The following SHISA6 variants were observed in gnomAD, a reference collection of about 807,000 sequenced individuals.
SHISA6 encodes shisa family member 6.
A neutral mutation model predicts 47.9 loss-of-function variants in SHISA6; 22 were observed. That is an observed-to-expected ratio of 0.46 (90% CI 0.33 to 0.66). The LOEUF is 0.66. SHISA6 is among the 30% of genes least tolerant of loss of function. The pLI is 0.02. For missense variants in SHISA6, 680 were observed against 764.6 expected (o/e 0.89, Z 1.30); for synonymous variants, 388 against 337.8 (o/e 1.15, Z -1.63).
At chr17:11,386,150 C>A (rs1291338068) in intron 3 of SHISA6, among the ~76,000 whole-genome samples, 1 of 152,116 alleles carries the variant, frequency 6.6e-6, no homozygotes, top group East Asian at 1.9e-4. Context: ...CCAAGGAGGG[C>A]AGATCACCTG....
chr17:11,521,117 T>C (rs773526695), intron 3 of SHISA6, among the ~76,000 whole-genome samples: 15 of 152,222 alleles, frequency 9.9e-5, no homozygotes, highest in Non-Finnish European at 1.9e-4. Context: ...CTGGTCATGT[T>C]CTAGAAATTT....
intron 2 of SHISA6, among the ~76,000 whole-genome samples, chr17:11,325,332 T>A (rs1194726116): frequency 6.6e-6 from 1 of 152,172 alleles, no homozygotes; most frequent in Non-Finnish European, 1.5e-5. Flanking sequence ...TCGGATAAAC[T>A]GGGACATCTG....
intron 1 of SHISA6, among the ~76,000 whole-genome samples, chr17:11,243,038 C>T (rs1016212051): frequency 6.6e-6 from 1 of 151,976 alleles, no homozygotes; most frequent in Non-Finnish European, 1.5e-5. Context: ...AGGGAACAAA[C>T]CCTGCCCCGG....
Position 11,558,036 on chromosome 17 carries a change from G to A in SHISA6, c.1388G>A (p.Arg463Gln), listed in dbSNP as rs114484608. ...HSQDPLLSPE[R>Q]TAFPEQSLSR... Reference sequence around the variant, plus strand: ...CAGGACCCGCTGCTGTCCCCGGAGCGGACGGCCTTTCCCGAGCAGTCGCTG... The same window carrying A: ...CAGGACCCGCTGCTGTCCCCGGAGCAGACGGCCTTTCCCGAGCAGTCGCTG... The change falls in exon 6 of 6, where the codon CGG (arginine) becomes CAG (glutamine). Residue 463 changes from arginine (R) to glutamine (Q), a missense_variant. This residue lies in a region of SHISA6 where 559 missense variants were observed against 674.1 expected (regional missense o/e 0.83). Coordinates refer to ENST00000441885, the MANE Select transcript of SHISA6 (RefSeq NM_207386.4). 854 of 1,551,628 alleles carry A rather than the reference G, an allele frequency of 5.5e-4. 2 individuals carry two copies. In the African/African-American group the frequency reaches 0.01, roughly 18 times the overall value.
chr17:11,516,942 G>A (rs74629188), intron 3 of SHISA6, among the ~76,000 whole-genome samples: 8,816 of 152,248 alleles, frequency 0.058, 286 homozygotes, highest in Middle Eastern at 0.099. Context: ...AGTATTGTGC[G>A]CAGACATCAT....
At chr17:11,425,755 G>A (rs749606337) in intron 3 of SHISA6, among the ~76,000 whole-genome samples, 11 of 152,074 alleles carry the variant, frequency 7.2e-5, no homozygotes, top group Admixed American at 1.3e-4. Context: ...CTTTCTTCGC[G>A]GACATCATGT....
intron 2 of SHISA6, among the ~76,000 whole-genome samples, chr17:11,344,055 G>A (rs1195752915): frequency 6.6e-6 from 1 of 152,050 alleles, no homozygotes; most frequent in Non-Finnish European, 1.5e-5. Flanking sequence ...AGTGGTTTTG[G>A]TTTGCATTTT....
intron 3 of SHISA6, among the ~76,000 whole-genome samples, chr17:11,385,486 G>A (rs896862500): frequency 2.0e-5 from 3 of 152,174 alleles, no homozygotes; most frequent in African/African-American, 4.8e-5. Context: ...GTGGAAGTCT[G>A]TGGAAGGACC....
At chr17:11,378,729 G>C (rs560799989) in intron 2 of SHISA6, among the ~76,000 whole-genome samples, 14 of 152,142 alleles carry the variant, frequency 9.2e-5, no homozygotes, top group African/African-American at 3.4e-4. Flanking sequence ...AGCAGGCAGG[G>C]GATAGTGTCT....
intron 3 of SHISA6, among the ~76,000 whole-genome samples, chr17:11,531,833 T>G (rs1373889999): frequency 1.3e-5 from 2 of 152,220 alleles, no homozygotes; most frequent in Non-Finnish European, 2.9e-5. Context: ...AAAGATTAGA[T>G]TTTAAATGTT....
At chr17:11,479,942 G>C (rs929771911) in intron 3 of SHISA6, among the ~76,000 whole-genome samples, 1 of 151,792 alleles carries the variant, frequency 6.6e-6, no homozygotes, top group Non-Finnish European at 1.5e-5. Flanking sequence ...TATCTCTAAA[G>C]AATTTCCTTT....
At chr17:11,403,861 T>C (rs1456453363) in intron 3 of SHISA6, among the ~76,000 whole-genome samples, 1 of 152,194 alleles carries the variant, frequency 6.6e-6, no homozygotes, top group East Asian at 1.9e-4. Context: ...GTGGTGTTCC[T>C]CAGAGACCTC....
At chr17:11,435,309 C>T (rs1031457913) in intron 3 of SHISA6, among the ~76,000 whole-genome samples, 8 of 152,080 alleles carry the variant, frequency 5.3e-5, no homozygotes, top group African/African-American at 1.4e-4. Context: ...CCCTAAGTAG[C>T]CCTGAGGTCT....
At chr17:11,350,196 T>TTTTTTTTTTTTTTTTTTTC (rs1369301126) in intron 2 of SHISA6, among the ~76,000 whole-genome samples, 1 of 139,910 alleles carries the variant, frequency 7.1e-6, no homozygotes, top group African/African-American at 2.7e-5. Context: ...TTTTTTTTTT[T>TTTTTTTTTTTTTTTTTTTC]TGAGACGGAG....
chr17:11,551,021 C>A (rs1245969614), intron 3 of SHISA6, among the ~76,000 whole-genome samples: 1 of 152,196 alleles, frequency 6.6e-6, no homozygotes, highest in Non-Finnish European at 1.5e-5. Context: ...AAGGACAGGG[C>A]TGTAACCTGC....
intron 3 of SHISA6, among the ~76,000 whole-genome samples, chr17:11,501,655 G>A (rs932136254): frequency 6.6e-6 from 1 of 152,038 alleles, no homozygotes; most frequent in Non-Finnish European, 1.5e-5. Flanking sequence ...GAATTCAGAT[G>A]GCCACAAAGT....
At chr17:11,285,837 CTT>C (rs111973369) in intron 2 of SHISA6, among the ~76,000 whole-genome samples, 10 of 140,738 alleles carry the variant, frequency 7.1e-5, no homozygotes, top group East Asian at 4.1e-4. Flanking sequence ...CTCTCTCTCT[CTT>C]TTTTTTTTTT....
intron 3 of SHISA6, among the ~76,000 whole-genome samples, chr17:11,515,773 A>G (rs1172353422): frequency 6.6e-6 from 1 of 152,174 alleles, no homozygotes; most frequent in Admixed American, 6.5e-5. Flanking sequence ...CCAGGAGCGC[A>G]AGGGTAGATG....
chr17:11,264,628 T>C (rs907241328), intron 2 of SHISA6, among the ~76,000 whole-genome samples: 1 of 152,156 alleles, frequency 6.6e-6, no homozygotes, highest in Middle Eastern at 3.2e-3. Context: ...CATCTATTGC[T>C]CAACAGTTTT....
Sources: allele counts gnomAD v4.1 joint callset (sites outside exome capture counted in the v4.1 genomes callset), GRCh38; gene constraint gnomAD v4.1.1; regional missense constraint gnomAD v4.1.1; transcripts MANE v1.5; gene names NCBI Gene and HGNC (gene_info 2026-07-23, HGNC 2026-07-21).